MRE11: variants seen among roughly 807,000 people sequenced by gnomAD.
The protein encoded by MRE11 is MRE11 double strand break repair nuclease, also known as double-strand break repair protein MRE11.
In MRE11, 62 loss-of-function variants were observed where a neutral mutation model predicts 91.7. That is an observed-to-expected ratio of 0.68 (90% CI 0.55 to 0.84). The LOEUF (loss-of-function observed/expected upper bound fraction) is 0.84. Ranked by LOEUF, MRE11 falls within the 40% of genes least tolerant of loss-of-function variation. MRE11 has a pLI of 0.00. For missense variants in MRE11, 796 were observed against 852.9 expected (o/e 0.93, Z 0.83); for synonymous variants, 273 against 271.4 (o/e 1.01, Z -0.06).
chr11:94,500,471 G>T, the MRE11 span, among the ~76,000 whole-genome samples: 5 of 152,208 alleles, frequency 3.3e-5, no homozygotes, highest in Admixed American at 2.6e-4. Flanking sequence ...ATCGTGCTTT[G>T]AAAGGATTAC....
intron 14 of MRE11, among the ~76,000 whole-genome samples, chr11:94,449,048 CATG>C (rs1946023606): frequency 6.6e-6 from 1 of 152,166 alleles, no homozygotes; most frequent in Non-Finnish European, 1.5e-5. Flanking sequence ...CCCAAGAAGA[CATG>C]ATAACAGTCT....
rs591959 is a variant in MRE11, at chr11:94,419,465, G to A, written c.*660C>T. On this transcript the variant is annotated 3_prime_UTR_variant, in exon 20 of 20. Coordinates refer to ENST00000323929, the MANE Select transcript of MRE11 (RefSeq NM_005591.4). ...GAAGAGTGGGGAACGGGGGGGAGAG[G>A]GAGAGAGAGAGAGAGAGAGAGAGAG... 1.1e-3 allele frequency: 248 copies of A among 216,374 alleles called. 2 individuals carry two copies. Among genetic ancestry groups the A allele is most frequent in the African/African-American group, 3.9e-3 (160 of 40,680 alleles). 13.4% of individuals were successfully genotyped at this position (216,374 alleles called of 1,614,324 possible).
chr11:94,428,584 C>G (rs1945383442), intron 19 of MRE11, among the ~76,000 whole-genome samples: 1 of 152,146 alleles, frequency 6.6e-6, no homozygotes, highest in Non-Finnish European at 1.5e-5. Context: ...AACTATCAGG[C>G]TGGGCACAGT....
chr11:94,484,147 C>T (rs1251297374), intron 4 of MRE11, among the ~76,000 whole-genome samples: 1 of 151,940 alleles, frequency 6.6e-6, no homozygotes, highest in Non-Finnish European at 1.5e-5. Flanking sequence ...AGCCCAATGG[C>T]TAAAGCTGGA....
rs1243199570 is a variant in MRE11 at position 94,445,803 on chromosome 11, T to C, written c.1867+7A>G. On this transcript the variant is annotated splice_region_variant and intron_variant, in intron 16 of 19. Coordinates refer to ENST00000323929, the MANE Select transcript of MRE11 (RefSeq NM_005591.4). The stretch of plus-strand genomic sequence containing the variant: ...TTTATAAATAATCACTTGCAGTCTA[T>C]ACTCACCATCTATAATAGACATATT... The C allele has an allele frequency of 1.3e-6, 2 of 1,594,256 alleles. No individual in the cohort carries two copies. The highest frequency in any genetic ancestry group is 2.2e-5 in the East Asian group (1 of 44,792).
rs904785671 is a variant in MRE11 at position 94,418,577 on chromosome 11, T to A, written c.*1548A>T. The A allele has an allele frequency of 4.3e-6, 1 of 232,436 alleles. No individual in the cohort carries two copies. The highest frequency in any genetic ancestry group is 8.5e-6 in the Non-Finnish European group (1 of 117,682). The allele number at this position is 232,436 out of a possible 1,614,324, so 14.4% of individuals were successfully genotyped here. ...TGCAGGGGTAGGTAGCACAGCATCA[T>A]CCAGACACTGCCTCCCCTGGTAGCT... On this transcript the variant is annotated 3_prime_UTR_variant, in exon 20 of 20. Transcript: ENST00000323929.
At chr11:94,484,908 G>T (rs1274809622) in intron 4 of MRE11, among the ~76,000 whole-genome samples, 1 of 152,182 alleles carries the variant, frequency 6.6e-6, no homozygotes, top group African/African-American at 2.4e-5. Context: ...GTGAGATCCT[G>T]TACAATGTTT....
intron 2 of MRE11, among the ~76,000 whole-genome samples, chr11:94,491,519 A>C (rs1947282001): frequency 6.6e-6 from 1 of 152,228 alleles, no homozygotes; most frequent in Non-Finnish European, 1.5e-5. Context: ...AAGGTACTTT[A>C]ATGTGAAGTA....
rs786203449 is a variant in MRE11, at chr11:94,460,982, A to G, written c.1280T>C (p.Leu427Ser). Residue 427 changes from leucine to serine, a missense_variant, in exon 12 of 20, where the codon TTA becomes TCA. Coordinates refer to ENST00000323929, the MANE Select transcript of MRE11 (RefSeq NM_005591.4). The part of the protein sequence containing the change: ...LITKPSEGTT[L>S]RVEDLVKQYF... ...CTGTTTTACAAGATCTTCTACCCTT[A>G]AAGTTGTTCCTTCTGAAGGCTTTGT... The G allele has an allele frequency of 1.9e-6, 3 of 1,613,724 alleles. No individual in the cohort carries two copies. In the African/African-American group the frequency reaches 4.0e-5, roughly 22 times the overall value.
Position 94,456,324 on chromosome 11 carries a change from T to C in MRE11, c.1515A>G (p.Arg505=). The stretch of plus-strand genomic sequence containing the variant: ...CATTAGTATTTTTTTGTCTGGTTTC[T>C]CTGAAACGACGTACCTAGATCATAA... The part of the protein sequence containing the change: ...DKIDEEVRRF[R]ETRQKNTNEE... Residue 505 remains arginine (R), a synonymous_variant, in exon 14 of 20, where the codon AGA becomes AGG. Transcript: ENST00000323929. 6.2e-7 allele frequency: 1 copy of C among 1,613,398 alleles called. No individual in the cohort carries two copies.
At chr11:94,479,526 T>C in intron 5 of MRE11, 148 bp downstream of exon 5, 2 of 682,596 alleles carry the variant, frequency 2.9e-6, no homozygotes, top group Non-Finnish European at 5.1e-6. Flanking sequence ...TAAAAAGCAG[T>C]ATAAAAGCTT....
Position 94,486,059 on chromosome 11 carries a change from T to A in MRE11, c.179A>T (p.Asp60Val). 6.2e-7 allele frequency: 1 copy of A among 1,613,738 alleles called. No individual in the cohort carries two copies. The highest frequency in any genetic ancestry group is 1.1e-5 in the South Asian group (1 of 91,074). Reference sequence around the variant, plus strand: ...TGAGGGCTTATTTTCATGAAAAAGATCACCACCTAACAAAATAAAATCCAC... The same window carrying A: ...TGAGGGCTTATTTTCATGAAAAAGAACACCACCTAACAAAATAAAATCCAC... ...NEVDFILLGGDLFHENKPSRK... is the reference protein window; with the variant it reads ...NEVDFILLGGVLFHENKPSRK... The change falls in exon 4 of 20, where the codon GAT becomes GTT. Residue 60 changes from aspartate to valine, a missense_variant. Transcript: ENST00000323929.
Position 94,492,834 on chromosome 11 carries a change from G to C in MRE11, c.-33C>G, listed in dbSNP as rs772515659. On this transcript the variant is annotated 5_prime_UTR_variant, in exon 2 of 20. Transcript: ENST00000323929. ...GTCAGTCAAGCTCCTCTGGGACCAG[G>C]TTCTTCTCCAAGAACCCCTGGGTAC... 3 of 1,608,724 alleles carry C rather than the reference G, an allele frequency of 1.9e-6. No homozygotes were observed. The highest frequency in any genetic ancestry group is 2.2e-5 in the East Asian group (1 of 44,836).
chr11:94,498,247 G>A (rs1947446210), upstream of MRE11: 4 of 1,614,020 alleles, frequency 2.5e-6, no homozygotes, highest in Admixed American at 1.7e-5. Flanking sequence ...GGACGCCCCT[G>A]CACAGTGCTT....
chr11:94,454,949 G>A (rs530819069), intron 14 of MRE11, among the ~76,000 whole-genome samples: 1 of 152,102 alleles, frequency 6.6e-6, no homozygotes, highest in African/African-American at 2.4e-5. Context: ...AAGATAAATA[G>A]AAATATAATA....
chr11:94,454,455 C>T (rs57441252), intron 14 of MRE11, among the ~76,000 whole-genome samples: 33 of 152,114 alleles, frequency 2.2e-4, no homozygotes, highest in African/African-American at 7.2e-4. Context: ...TTAAGCATGG[C>T]GCTGGGATTC....
chr11:94,459,682 A>C, intron 12 of MRE11, 101 bp from the exon 13 acceptor site: 1 of 1,295,412 alleles, frequency 7.7e-7, no homozygotes, highest in Middle Eastern at 2.5e-4. Flanking sequence ...CAGAGAAAAA[A>C]TATAGTGAAC....
At chr11:94,484,016 C>A (rs1947076150) in intron 4 of MRE11, among the ~76,000 whole-genome samples, 1 of 152,104 alleles carries the variant, frequency 6.6e-6, no homozygotes. Context: ...AAATACCATT[C>A]TCCAAAAGGA....
intron 16 of MRE11, among the ~76,000 whole-genome samples, chr11:94,443,974 C>T (rs1365268859): frequency 1.5e-5 from 2 of 137,018 alleles, no homozygotes; most frequent in Admixed American, 8.0e-5. Context: ...GTGGCATGAT[C>T]TCGGCTCACT....
Sources: gnomAD v4.1 joint callset for allele counts (sites outside exome capture counted in the v4.1 genomes callset) on GRCh38, gnomAD v4.1.1 for gene constraint, MANE v1.5 for transcripts, NCBI Gene and HGNC (gene_info 2026-07-23, HGNC 2026-07-21) for gene names.